The following SLC4A10 variants were observed in gnomAD, a reference collection of about 807,000 sequenced individuals.
The protein encoded by SLC4A10 is solute carrier family 4 member 10.
SLC4A10 carries 42 observed loss-of-function variants against 137.7 expected under a neutral mutation model. That is an observed-to-expected ratio of 0.30 (90% CI 0.24 to 0.39). The LOEUF is 0.39. SLC4A10 is among the 10% of genes least tolerant of loss of function. The pLI is 1.00. For missense variants in SLC4A10, 925 were observed against 1,355.0 expected, an observed-to-expected ratio of 0.68 and a Z score of 4.98; for synonymous variants, 474 against 464.1, an observed-to-expected ratio of 1.02 and a Z score of -0.27.
At chr2:161,664,179 C>T (rs2038773880) in intron 1 of SLC4A10, among the ~76,000 whole-genome samples, 1 of 151,856 alleles carries the variant, frequency 6.6e-6, no homozygotes, top group Non-Finnish European at 1.5e-5. Flanking sequence ...CATTGTGGTA[C>T]TGTTTTCTTA....
At chr2:161,834,562 A>G (rs1463476088) in intron 3 of SLC4A10, among the ~76,000 whole-genome samples, 5 of 151,998 alleles carry the variant, frequency 3.3e-5, no homozygotes, top group African/African-American at 1.2e-4. Flanking sequence ...CTGGCTTAAC[A>G]TTCTTCATCA....
chr2:161,748,337 A>G (rs184937671), intron 1 of SLC4A10, among the ~76,000 whole-genome samples: 1 of 152,184 alleles, frequency 6.6e-6, no homozygotes, highest in East Asian at 1.9e-4. Flanking sequence ...ATATCTAAAA[A>G]TATCACCAAG....
chr2:161,629,781 A>G (rs2033173763), intron 1 of SLC4A10, among the ~76,000 whole-genome samples: 1 of 151,830 alleles, frequency 6.6e-6, no homozygotes, highest in Admixed American at 6.6e-5. Flanking sequence ...TTAGAGTATT[A>G]TATAGTTGGA....
At chr2:161,727,805 A>G (rs967360998) in intron 1 of SLC4A10, among the ~76,000 whole-genome samples, 8 of 152,180 alleles carry the variant, frequency 5.3e-5, no homozygotes, top group African/African-American at 1.9e-4. Context: ...CCAGAAAGAG[A>G]AAACAGAAAA....
At chr2:161,661,347 C>T (rs1289250412) in intron 1 of SLC4A10, among the ~76,000 whole-genome samples, 1 of 152,136 alleles carries the variant, frequency 6.6e-6, no homozygotes, top group Admixed American at 6.5e-5. Flanking sequence ...TGGTGGCGCA[C>T]GCCTGTAGTC....
chr2:161,762,209 A>G (rs545908949), intron 1 of SLC4A10, among the ~76,000 whole-genome samples: 1 of 152,258 alleles, frequency 6.6e-6, no homozygotes, highest in Admixed American at 6.6e-5. Flanking sequence ...TAGATGAAAC[A>G]GATTTAACTT....
chr2:161,867,378 C>G (rs1387758584), intron 6 of SLC4A10, among the ~76,000 whole-genome samples: 1 of 151,678 alleles, frequency 6.6e-6, no homozygotes, highest in Non-Finnish European at 1.5e-5. Context: ...AATGTTCTAC[C>G]TTTGAAGAAA....
chr2:161,979,958 G>A lies in SLC4A10; in HGVS notation c.*26+2198G>A, dbSNP rs531844264. On this transcript the variant is annotated intron_variant, in intron 26 of 26. Transcript: ENST00000446997. ...ATTTTATCTCGTTTAACTGACAGTA[G>A]AATCTAAGAACTAACGGCAAATTCT... is the stretch of plus-strand genomic sequence containing the variant. Among the ~76,000 whole-genome samples the A allele has an allele frequency of 4.6e-5, 7 of 152,302 alleles. No individual in the cohort carries two copies. The South Asian group carries it at 1.5e-3, about 32-fold the overall frequency.
chr2:161,751,367 C>A (rs1319653137), intron 1 of SLC4A10, among the ~76,000 whole-genome samples: 2 of 114,098 alleles, frequency 1.8e-5, no homozygotes, highest in Non-Finnish European at 3.7e-5. Flanking sequence ...TTTTTTTTTT[C>A]ATATATTGCT....
In SLC4A10 at chr2:161,637,949, G is replaced by A. The variant is rs148577317; in HGVS notation, c.48+13383G>A. On this transcript the variant is annotated intron_variant, in intron 1 of 26. Transcript: ENST00000446997. The stretch of plus-strand genomic sequence containing the variant: ...AGATCTTTCACCCATTTTTAAATTA[G>A]GTGATTTAATTTTTGCTATTTGAGT... 3.2e-4 allele frequency among the ~76,000 whole-genome samples: 49 copies of A among 152,096 alleles called. No homozygotes were observed. The East Asian group carries it at 8.9e-3, about 28-fold the overall frequency.
chr2:161,771,353 A>C (rs994464540), intron 2 of SLC4A10, among the ~76,000 whole-genome samples: 6 of 151,860 alleles, frequency 4.0e-5, no homozygotes, highest in Non-Finnish European at 7.4e-5. Flanking sequence ...CAATCAATTG[A>C]GACATGATGA....
At chr2:161,719,598 C>G (rs1271330297) in intron 1 of SLC4A10, among the ~76,000 whole-genome samples, 3 of 152,184 alleles carry the variant, frequency 2.0e-5, no homozygotes, top group Non-Finnish European at 2.9e-5. Flanking sequence ...GCCATTCTAA[C>G]TGGTGTGAGA....
intron 2 of SLC4A10, among the ~76,000 whole-genome samples, chr2:161,800,309 T>A (rs996684861): frequency 6.6e-6 from 1 of 152,198 alleles, no homozygotes; most frequent in South Asian, 2.1e-4. Flanking sequence ...AAGTGTTTAG[T>A]AGCATAATGC....
intron 1 of SLC4A10, among the ~76,000 whole-genome samples, chr2:161,657,892 A>G (rs1439604749): frequency 6.6e-6 from 1 of 152,176 alleles, no homozygotes; most frequent in East Asian, 1.9e-4. Flanking sequence ...ACAACATACC[A>G]AATTATAATA....
At chr2:161,648,547 T>G (rs1225033686) in intron 1 of SLC4A10, among the ~76,000 whole-genome samples, 1 of 152,116 alleles carries the variant, frequency 6.6e-6, no homozygotes, top group East Asian at 1.9e-4. Context: ...TTTGAAACAA[T>G]TCATATAATT....
At chr2:161,916,924 C>T (rs566447965) in intron 15 of SLC4A10, among the ~76,000 whole-genome samples, 1 of 152,206 alleles carries the variant, frequency 6.6e-6, no homozygotes, top group Admixed American at 6.5e-5. Flanking sequence ...CATTTATATA[C>T]AATAAAATTT....
chr2:161,656,850 G>A (rs992985761), intron 1 of SLC4A10, among the ~76,000 whole-genome samples: 1 of 151,954 alleles, frequency 6.6e-6, no homozygotes, highest in African/African-American at 2.4e-5. Flanking sequence ...TAATATCGGT[G>A]TTTATTTCAT....
chr2:161,900,847 T>A (rs1682933382), intron 11 of SLC4A10, 64 bp from the exon 12 acceptor site: 1 of 1,131,968 alleles, frequency 8.8e-7, no homozygotes, highest in Non-Finnish European at 1.2e-6. Context: ...ACTGTTATTA[T>A]TATTTACAAT....
At chr2:161,673,846 T>A (rs1425287170) in intron 1 of SLC4A10, among the ~76,000 whole-genome samples, 1 of 151,980 alleles carries the variant, frequency 6.6e-6, no homozygotes, top group Non-Finnish European at 1.5e-5. Flanking sequence ...AAAAATTAGC[T>A]GGGTGTGGTG....
Sources: allele counts gnomAD v4.1 joint callset (sites outside exome capture counted in the v4.1 genomes callset), GRCh38; gene constraint gnomAD v4.1.1; transcripts MANE v1.5; gene names NCBI Gene and HGNC (gene_info 2026-07-23, HGNC 2026-07-21).